The following TNS3 variants were observed in gnomAD, a reference collection of about 807,000 sequenced individuals.
TNS3 encodes the protein tensin 3.
TNS3 carries 45 observed loss-of-function variants against 140.9 expected under a neutral mutation model. That is an observed-to-expected ratio of 0.32 (90% confidence interval 0.25 to 0.41). TNS3 has a LOEUF of 0.41. Ranked by LOEUF, TNS3 falls within the 10% of genes least tolerant of loss-of-function variation. TNS3 has a pLI of 1.00. For missense variants in TNS3, 1,716 were observed against 1,906.7 expected (o/e 0.90, Z 1.86); for synonymous variants, 815 against 788.4 (o/e 1.03, Z -0.56).
At chr7:47,345,866 T>G (rs535375782) in intron 18 of TNS3, among the ~76,000 whole-genome samples, 42 of 152,236 alleles carry the variant, frequency 2.8e-4, no homozygotes, top group Admixed American at 6.5e-4. Context: ...CCCACCCACA[T>G]GCTGTGCTCC....
intron 1 of TNS3, among the ~76,000 whole-genome samples, chr7:47,542,332 T>C (rs1799810116): frequency 6.6e-6 from 1 of 152,156 alleles, no homozygotes; most frequent in Non-Finnish European, 1.5e-5. Flanking sequence ...AGGCATCATC[T>C]AAACCAAATC....
At chr7:47,281,457 A>AG (rs1455923302) in intron 28 of TNS3, among the ~76,000 whole-genome samples, 1 of 152,222 alleles carries the variant, frequency 6.6e-6, no homozygotes, top group Non-Finnish European at 1.5e-5. Flanking sequence ...CACAGAGTAA[A>AG]GCTCATCTGG....
At chr7:47,553,988 A>T (rs1365251792) in intron 1 of TNS3, among the ~76,000 whole-genome samples, 2 of 151,384 alleles carry the variant, frequency 1.3e-5, no homozygotes, top group Non-Finnish European at 2.9e-5. Context: ...TATTTTTAGT[A>T]GAGACGGGGT....
At chr7:47,412,445 C>G (rs1488848595) in intron 12 of TNS3, among the ~76,000 whole-genome samples, 1 of 152,086 alleles carries the variant, frequency 6.6e-6, no homozygotes, top group Non-Finnish European at 1.5e-5. Context: ...ATAGTGAAAC[C>G]CCGTCTCTAC....
At chr7:47,548,553 G>T (rs939914161) in intron 1 of TNS3, among the ~76,000 whole-genome samples, 3 of 152,126 alleles carry the variant, frequency 2.0e-5, no homozygotes, top group Non-Finnish European at 4.4e-5. Flanking sequence ...ACCATCTCCT[G>T]ATGCATTTTC....
intron 1 of TNS3, among the ~76,000 whole-genome samples, chr7:47,543,092 G>A (rs755336314): frequency 8.5e-5 from 13 of 152,170 alleles, no homozygotes; most frequent in Non-Finnish European, 5.9e-5. Context: ...GGCAGCAGGA[G>A]GCCCAGACAC....
intron 4 of TNS3, among the ~76,000 whole-genome samples, chr7:47,478,698 CAT>C (rs893921965): frequency 5.9e-5 from 9 of 151,824 alleles, no homozygotes; most frequent in African/African-American, 1.9e-4. Context: ...ACCTAATATA[CAT>C]ATATATTCAC....
At chr7:47,540,346 G>A (rs908960356) in intron 1 of TNS3, among the ~76,000 whole-genome samples, 2 of 152,194 alleles carry the variant, frequency 1.3e-5, no homozygotes, top group Non-Finnish European at 2.9e-5. Context: ...CCAGCCATCA[G>A]GAAGAGAGGC....
intron 2 of TNS3, among the ~76,000 whole-genome samples, chr7:47,513,537 G>C (rs528591382): frequency 1.3e-5 from 2 of 152,354 alleles, no homozygotes; most frequent in African/African-American, 4.8e-5. Flanking sequence ...TAAGTAAACA[G>C]AAATGCTGCA....
At chr7:47,411,617 A>C in intron 13 of TNS3, 110 bp downstream of exon 13, 3 of 1,130,532 alleles carry the variant, frequency 2.7e-6, no homozygotes, top group South Asian at 1.6e-5. Context: ...CCTACAGGGT[A>C]CTTTTTTTGG....
chr7:47,496,195 A>G (rs1798001390), intron 3 of TNS3, among the ~76,000 whole-genome samples: 1 of 152,230 alleles, frequency 6.6e-6, no homozygotes, highest in Non-Finnish European at 1.5e-5. Context: ...GTGGTCTGAA[A>G]AAAGGGGTAG....
At chr7:47,327,444 T>C (rs973648418) in intron 20 of TNS3, among the ~76,000 whole-genome samples, 10 of 152,134 alleles carry the variant, frequency 6.6e-5, no homozygotes, top group Admixed American at 5.2e-4. Context: ...AGCCTTCTGG[T>C]CCTCTGAAGG....
In TNS3 at chr7:47,303,362, G is replaced by A. The variant is rs1021535350; in HGVS notation, c.3045C>T (p.Ser1015=). The A allele has an allele frequency of 6.2e-7, 1 of 1,613,638 alleles. No homozygotes were observed. The highest frequency in any genetic ancestry group is 1.7e-5 in the Admixed American group (1 of 59,994). The part of the protein sequence containing the change: ...AEPPDSLAPP[S]SQAFLGFGTA... ...TGCCGAAGCCCAGGAAGGCCTGGCT[G>A]CTGGGAGGCGCCAGGGAGTCCGGTG... Residue 1015 remains serine, a synonymous_variant, in exon 22 of 31, where the codon AGC becomes AGT. Transcript: ENST00000311160.
intron 4 of TNS3, among the ~76,000 whole-genome samples, chr7:47,467,243 G>A (rs541791164): frequency 9.2e-5 from 14 of 152,312 alleles, no homozygotes; most frequent in African/African-American, 2.9e-4. Flanking sequence ...CAGAGAGGAC[G>A]GGATGGGGAG....
chr7:47,279,901 C>G (rs1444120511), intron 30 of TNS3: 3 of 530,396 alleles, frequency 5.7e-6, no homozygotes, highest in Non-Finnish European at 1.0e-5. Context: ...AAAGGCTGTG[C>G]CATCCATCTC....
chr7:47,294,572 A>G (rs1785897342), intron 24 of TNS3, among the ~76,000 whole-genome samples: 1 of 151,968 alleles, frequency 6.6e-6, no homozygotes. Context: ...TTCCTTCATC[A>G]CCCTCCATTG....
At position 47,332,843 on chromosome 7, in the gene TNS3, G is replaced by A. The variant is rs909998386; in HGVS notation, c.2650+11912C>T. On this transcript the variant is annotated intron_variant, in intron 20 of 30. Coordinates refer to ENST00000311160, the MANE Select transcript of TNS3 (RefSeq NM_022748.12). Reference sequence around the variant, plus strand: ...GACGGGCAGGACCAGAGCCACATCTGTCACCAAGCCCCAGGGCCAGCATCA... The same window carrying A: ...GACGGGCAGGACCAGAGCCACATCTATCACCAAGCCCCAGGGCCAGCATCA... Among the ~76,000 whole-genome samples, 4 of 151,910 alleles carry A rather than the reference G, an allele frequency of 2.6e-5. No homozygotes were observed. In the South Asian group the frequency reaches 6.3e-4, roughly 24 times the overall value.
chr7:47,334,224 C>A (rs1444877963), intron 20 of TNS3, among the ~76,000 whole-genome samples: 2 of 152,220 alleles, frequency 1.3e-5, no homozygotes, highest in African/African-American at 4.8e-5. Context: ...CTTCACAAAA[C>A]CTCCAATCGA....
chr7:47,395,961 C>T (rs1180182652), intron 16 of TNS3, among the ~76,000 whole-genome samples: 2 of 152,236 alleles, frequency 1.3e-5, no homozygotes, highest in African/African-American at 2.4e-5. Context: ...CAGACACCCC[C>T]TTCCTGGAGT....
Sources: gnomAD v4.1 joint callset for allele counts (sites outside exome capture counted in the v4.1 genomes callset) on GRCh38, gnomAD v4.1.1 for gene constraint, MANE v1.5 for transcripts, NCBI Gene and HGNC (gene_info 2026-07-23, HGNC 2026-07-21) for gene names.